PALM2AKAP2: variants seen among roughly 807,000 people sequenced by gnomAD.
PALM2AKAP2 encodes PALM2-AKAP2 fusion protein.
A neutral mutation model predicts 71.5 loss-of-function variants in PALM2AKAP2; 37 were observed. That is an observed-to-expected ratio of 0.52 (90% confidence interval 0.40 to 0.68). PALM2AKAP2 has a LOEUF of 0.68. PALM2AKAP2 is among the 30% of genes least tolerant of loss of function. PALM2AKAP2 has a pLI of 0.00. For synonymous variants in PALM2AKAP2, 468 were observed against 478.8 expected, an observed-to-expected ratio of 0.98 and a Z score of 0.29; for missense variants, 1,224 against 1,191.8, an observed-to-expected ratio of 1.03 and a Z score of -0.40.
intron 6 of PALM2AKAP2, among the ~76,000 whole-genome samples, chr9:110,014,321 A>T (rs1397253450): frequency 1.3e-5 from 2 of 152,226 alleles, no homozygotes; most frequent in African/African-American, 4.8e-5. Flanking sequence ...TCTTTTTAAT[A>T]CATTAGGTTA....
chr9:110,050,313 C>T (rs532123856), intron 1 of PALM2AKAP2, among the ~76,000 whole-genome samples: 8 of 152,270 alleles, frequency 5.3e-5, no homozygotes, highest in Admixed American at 5.2e-4. Flanking sequence ...CCATTGGGAT[C>T]CCAGGGAATT....
chr9:109,716,997 G>A (rs1184756662), intron 1 of PALM2AKAP2, among the ~76,000 whole-genome samples: 1 of 152,076 alleles, frequency 6.6e-6, no homozygotes, highest in Non-Finnish European at 1.5e-5. Flanking sequence ...AAAGTTACAG[G>A]GCAAATTTGG....
chr9:110,125,554 G>T (rs774599223), intron 1 of PALM2AKAP2: 1 of 985,428 alleles, frequency 1.0e-6, no homozygotes, highest in Non-Finnish European at 1.2e-6. Flanking sequence ...CTGGAAAAAG[G>T]CAGTTCTCAC....
chr9:110,104,975 T>G (rs1284641820), intron 1 of PALM2AKAP2, among the ~76,000 whole-genome samples: 1 of 152,232 alleles, frequency 6.6e-6, no homozygotes, highest in Non-Finnish European at 1.5e-5. Flanking sequence ...TATTAGTTAA[T>G]AGATTGATAA....
chr9:110,138,656 G>A (rs1457685035), intron 2 of PALM2AKAP2, 117 bp downstream of exon 8: 10 of 1,431,260 alleles, frequency 7.0e-6, no homozygotes, highest in South Asian at 4.7e-5. Flanking sequence ...AGTGTTGGGG[G>A]GACACTGGCA....
At chr9:109,704,591 G>C (rs1828113043) in intron 1 of PALM2AKAP2, among the ~76,000 whole-genome samples, 1 of 152,162 alleles carries the variant, frequency 6.6e-6, no homozygotes, top group Non-Finnish European at 1.5e-5. Flanking sequence ...TGAGGCTACA[G>C]GGAGCCAGAG....
At chr9:110,163,375 A>G (rs2119263508) in intron 3 of PALM2AKAP2, among the ~76,000 whole-genome samples, 1 of 152,204 alleles carries the variant, frequency 6.6e-6, no homozygotes, top group East Asian at 1.9e-4. Context: ...AAATAATAAA[A>G]CCCACCTACC....
At chr9:109,880,408 G>T in intron 2 of PALM2AKAP2, 143 bp from the exon 3 acceptor site, 1 of 1,217,042 alleles carries the variant, frequency 8.2e-7, no homozygotes, top group Middle Eastern at 3.1e-4. Context: ...AGGGAAGTAG[G>T]GAGCCATGTT....
intron 6 of PALM2AKAP2, among the ~76,000 whole-genome samples, chr9:110,002,979 C>A (rs1588053155): frequency 6.6e-6 from 1 of 152,142 alleles, no homozygotes; most frequent in Non-Finnish European, 1.5e-5. Flanking sequence ...TTTCAAAAAA[C>A]CACCTCCCGG....
chr9:109,811,232 A>G (rs989770223), intron 1 of PALM2AKAP2, among the ~76,000 whole-genome samples: 3 of 152,126 alleles, frequency 2.0e-5, no homozygotes, highest in Admixed American at 6.5e-5. Context: ...AAAGTATTGG[A>G]TTTAATCTGA....
rs1028581823 is a variant in PALM2AKAP2 at position 109,709,795 on chromosome 9, T to TA, written c.5+68936dup. On this transcript the variant is annotated intron_variant, in intron 1 of 6. Coordinates refer to the PALM2AKAP2 transcript ENST00000374531. ...CTAAAGAGGAAAGCACATCCACAGT[T>TA]AAAAAAAGCTGCTCTTCCTTCAGGT... 9.9e-5 allele frequency among the ~76,000 whole-genome samples: 15 copies of TA among 152,048 alleles called. 1 individual carries two copies. In the East Asian group the frequency reaches 1.2e-3, roughly 12 times the overall value.
intron 1 of PALM2AKAP2, among the ~76,000 whole-genome samples, chr9:109,658,945 AG>A (rs1269126269): frequency 6.6e-6 from 1 of 152,234 alleles, no homozygotes; most frequent in Non-Finnish European, 1.5e-5. Context: ...GAAAAAATAA[AG>A]TTTAGTACAT....
intron 7 of PALM2AKAP2, among the ~76,000 whole-genome samples, chr9:110,024,039 C>A (rs1833128022): frequency 6.6e-6 from 1 of 152,106 alleles, no homozygotes; most frequent in Non-Finnish European, 1.5e-5. Context: ...CCGTAAGGGT[C>A]ATTTTTCTGT....
chr9:110,014,196 T>A (rs1033697253), intron 6 of PALM2AKAP2, among the ~76,000 whole-genome samples: 11 of 152,230 alleles, frequency 7.2e-5, no homozygotes, highest in Admixed American at 2.0e-4. Context: ...ATGAATATTG[T>A]TCTTGAGCTA....
chr9:109,844,524 T>C (rs1161515497), intron 1 of PALM2AKAP2, among the ~76,000 whole-genome samples: 1 of 152,216 alleles, frequency 6.6e-6, no homozygotes, highest in African/African-American at 2.4e-5. Context: ...TTATGTAAGA[T>C]GTTAGGATTA....
intron 1 of PALM2AKAP2, among the ~76,000 whole-genome samples, chr9:110,122,207 T>C (rs1835503889): frequency 6.6e-6 from 1 of 152,200 alleles, no homozygotes; most frequent in Non-Finnish European, 1.5e-5. Context: ...TTTTCAAATT[T>C]TGTAGAGACA....
chr9:109,869,495 ATT>A (rs35676745), intron 2 of PALM2AKAP2, among the ~76,000 whole-genome samples: 4 of 142,220 alleles, frequency 2.8e-5, no homozygotes, highest in Non-Finnish European at 3.1e-5. Context: ...CGCCCAGCTA[ATT>A]TTTTTTTTTT....
At chr9:109,855,791 T>C (rs796257857) in intron 1 of PALM2AKAP2, among the ~76,000 whole-genome samples, 4 of 152,334 alleles carry the variant, frequency 2.6e-5, no homozygotes, top group African/African-American at 9.6e-5. Context: ...GCAGTAATTC[T>C]AACATCAGCA....
At chr9:110,080,378 ATT>A (rs147062548) in intron 1 of PALM2AKAP2, among the ~76,000 whole-genome samples, 2,037 of 152,318 alleles carry the variant, frequency 0.013, 39 homozygotes, top group African/African-American at 0.047. Flanking sequence ...GAAACCATAC[ATT>A]TTATCTCTTT....
Sources: allele counts gnomAD v4.1 joint callset (sites outside exome capture counted in the v4.1 genomes callset), GRCh38; gene constraint gnomAD v4.1.1; transcripts MANE v1.5; gene names NCBI Gene and HGNC (gene_info 2026-07-23, HGNC 2026-07-21).